Variants in SLC43A2 observed in about 807,000 individuals in gnomAD.
SLC43A2 encodes the protein solute carrier family 43 member 2.
Under a neutral mutation model 63.2 loss-of-function variants are expected in SLC43A2, and 38 were observed. The observed-to-expected ratio is 0.60, with a 90% CI of 0.46 to 0.79. SLC43A2 has a LOEUF of 0.79. Ranked by LOEUF, SLC43A2 falls within the 30% of genes least tolerant of loss-of-function variation. The probability of loss-of-function intolerance (pLI) is 0.00; values close to 1 mark genes in which losing one functional copy is unlikely to be tolerated. For missense variants in SLC43A2, 644 were observed against 756.2 expected (o/e 0.85, Z 1.74); for synonymous variants, 322 against 331.0 (o/e 0.97, Z 0.30).
At chr17:1,591,793 C>G in intron 6 of SLC43A2, 94 bp from the exon 7 acceptor site, 1 of 966,366 alleles carries the variant, frequency 1.0e-6, no homozygotes, top group Non-Finnish European at 1.6e-6. Flanking sequence ...TCTGGCCACC[C>G]CTGCTGTCCC....
At chr17:1,575,851 G>A (rs1436079891) in intron 13 of SLC43A2, 86 bp from the exon 14 acceptor site, 44 of 1,450,840 alleles carry the variant, frequency 3.0e-5, no homozygotes, top group Non-Finnish European at 4.0e-5. Flanking sequence ...TTGGGAAAGG[G>A]GAGAAGGTCA....
At chr17:1,582,733 C>CATAAATA (rs1567612189) in intron 11 of SLC43A2, among the ~76,000 whole-genome samples, 1 of 152,144 alleles carries the variant, frequency 6.6e-6, no homozygotes, top group African/African-American at 2.4e-5. Flanking sequence ...ACAGGCCCTC[C>CATAAATA]GCAAATAACA....
Position 1,627,895 on chromosome 17 carries a change from C to A in SLC43A2, c.-21G>T. The A allele has an allele frequency of 6.5e-7, 1 of 1,532,370 alleles. No individual in the cohort carries two copies. The allele number at this position is 1,532,370 out of a possible 1,614,324, so 94.9% of individuals were successfully genotyped here. A position where few individuals can be genotyped will look rare whatever the true frequency, so the allele number is the denominator to read the frequency against. On this transcript the variant is annotated 5_prime_UTR_variant, in exon 2 of 14. Transcript: ENST00000301335. Reference sequence around the variant, plus strand: ...GCCATGGTGCGGCGCGGCGCGGCTCCGGCTCCGGCTCCGGCTCTGCACCAC... The same window carrying A: ...GCCATGGTGCGGCGCGGCGCGGCTCAGGCTCCGGCTCCGGCTCTGCACCAC...
At chr17:1,585,342 A>T in intron 10 of SLC43A2, 1 of 663,218 alleles carries the variant, frequency 1.5e-6, no homozygotes, top group Non-Finnish European at 2.0e-6. Flanking sequence ...CCCGGGTTCA[A>T]GCAATTCTCG....
Position 1,586,015 on chromosome 17 carries a change from A to G in SLC43A2, c.1115T>C (p.Leu372Pro). The G allele has an allele frequency of 6.2e-7, 1 of 1,610,966 alleles. No homozygotes were observed. The highest frequency in any genetic ancestry group is 8.5e-7 in the Non-Finnish European group (1 of 1,178,952). The stretch of plus-strand genomic sequence containing the variant: ...GACGGGGGCCGTCAGCAGGCACAGC[A>G]GCTGGAGCACGCCGAAGATGGAGGT... ...LYTSIFGVLQ[L>P]LCLLTAPVIG... The change falls in exon 10 of 14, where the codon CTG (leucine) becomes CCG (proline). Residue 372 changes from leucine (L) to proline (P), a missense_variant. By Grantham distance (98) the Leu-to-Pro change is moderately conservative (BLOSUM62 -3). Coordinates refer to ENST00000301335, the MANE Select transcript of SLC43A2 (RefSeq NM_152346.3).
chr17:1,610,568 C>T (rs1474206599), intron 5 of SLC43A2, among the ~76,000 whole-genome samples: 1 of 150,672 alleles, frequency 6.6e-6, no homozygotes, highest in Non-Finnish European at 1.5e-5. Context: ...TGCTCCCAAC[C>T]TGAATTTTTA....
rs1287476284 is a variant in SLC43A2 at position 1,622,513 on chromosome 17, C to T, written c.160+5202G>A. On this transcript the variant is annotated intron_variant, in intron 2 of 13. Transcript: ENST00000301335. ...CCGGGAGGCGGAGGTTGCGGTGAGC[C>T]GAGATCGCGCCACTGCACTCCAGCC... Among the ~76,000 whole-genome samples, 44 of 148,550 alleles carry T rather than the reference C, an allele frequency of 3.0e-4. 1 individual carries two copies. The highest frequency in any genetic ancestry group is 3.8e-3 in the Middle Eastern group (1 of 262).
chr17:1,611,820 T>A (rs977150679), intron 5 of SLC43A2, among the ~76,000 whole-genome samples: 1 of 152,218 alleles, frequency 6.6e-6, no homozygotes, highest in Admixed American at 6.5e-5. Context: ...GTTTCCTTGA[T>A]GGACAGAAGC....
At position 1,594,789 on chromosome 17, in the gene SLC43A2, C is replaced by T. The variant is rs548674229; in HGVS notation, c.502-1510G>A. 6.8e-4 allele frequency among the ~76,000 whole-genome samples: 103 copies of T among 151,340 alleles called. No individual in the cohort carries two copies. In the South Asian group the frequency reaches 6.9e-3, roughly 10 times the overall value. On this transcript the variant is annotated intron_variant, in intron 5 of 13. Coordinates refer to ENST00000301335, the MANE Select transcript of SLC43A2 (RefSeq NM_152346.3). ...ATTTTCAGTAGAGACGGGGTTTCAC[C>T]ACGTTAGCCAGGATGGTCTGGATCT...
rs78446959 is a variant in SLC43A2, at chr17:1,572,403, G to A, written c.*3201C>T. ...CCAGTGTCTTAAGACCCATATATGA[G>A]TGCTGGCTCTGACCTTGAACAAGCT... is the stretch of plus-strand genomic sequence containing the variant. On this transcript the variant is annotated 3_prime_UTR_variant, in exon 14 of 14. Transcript: ENST00000301335. The A allele has an allele frequency of 6.6e-5, 10 of 152,448 alleles. No individual in the cohort carries two copies. The highest frequency in any genetic ancestry group is 2.4e-4 in the African/African-American group (10 of 41,570). 9.4% of individuals were successfully genotyped at this position (152,448 alleles called of 1,614,324 possible).
In SLC43A2 at chr17:1,593,384, G is replaced by A. The variant is rs150883334; in HGVS notation, c.502-105C>T. On this transcript the variant is annotated intron_variant, in intron 5 of 13. Transcript: ENST00000301335. This position sits in a 1 kb window ranked among gnomAD's most constrained non-coding sequence, Gnocchi z 5.3. ...CCCATGAGGCCCCTTCTTCACCTGC[G>A]CCCCTTCCTGTGTGACTCACAGGGG... 7.0e-6 allele frequency: 7 copies of A among 996,784 alleles called. No individual in the cohort carries two copies. The highest frequency in any genetic ancestry group is 6.0e-5 in the Admixed American group (3 of 49,878). 61.7% of individuals were successfully genotyped at this position (996,784 alleles called of 1,614,324 possible).
chr17:1,582,061 T>C (rs548941280), intron 11 of SLC43A2, among the ~76,000 whole-genome samples: 1 of 150,268 alleles, frequency 6.7e-6, no homozygotes, highest in South Asian at 2.1e-4. Flanking sequence ...TGCCTCAGCC[T>C]CCCAAAGTGT....
intron 5 of SLC43A2, among the ~76,000 whole-genome samples, chr17:1,594,863 C>T (rs1204572698): frequency 6.6e-6 from 1 of 151,966 alleles, no homozygotes; most frequent in East Asian, 1.9e-4. Flanking sequence ...GCTGGGATTA[C>T]AGGCGTGAGC....
intron 9 of SLC43A2, among the ~76,000 whole-genome samples, chr17:1,589,832 G>C (rs914036026): frequency 6.6e-6 from 1 of 152,104 alleles, no homozygotes; most frequent in Non-Finnish European, 1.5e-5. Context: ...TCTTGGCCAG[G>C]CTGGTCTTGA....
At chr17:1,585,085 T>C (rs2076081654) in intron 10 of SLC43A2, among the ~76,000 whole-genome samples, 1 of 152,152 alleles carries the variant, frequency 6.6e-6, no homozygotes, top group Non-Finnish European at 1.5e-5. Context: ...CGGTGCCTCA[T>C]ACCTGTTAAT....
At chr17:1,590,313 T>G (rs1468025229) in intron 9 of SLC43A2, among the ~76,000 whole-genome samples, 1 of 150,752 alleles carries the variant, frequency 6.6e-6, no homozygotes, top group African/African-American at 2.4e-5. Flanking sequence ...AGGAAGTCTC[T>G]GCCCTGCCCT....
rs1469540214 is a variant in SLC43A2, at chr17:1,577,518, T to G, written c.1424+732A>C. 6.6e-6 allele frequency among the ~76,000 whole-genome samples: 1 copy of G among 152,096 alleles called. No individual in the cohort carries two copies. The highest frequency in any genetic ancestry group is 1.9e-4 in the East Asian group (1 of 5,192). ...GAGCTGGGATTACCCCAGGGGCTGTTGCGGGAATTGGGAGAGAGTTCCGGG... is the reference window on the plus strand; with the variant it reads ...GAGCTGGGATTACCCCAGGGGCTGTGGCGGGAATTGGGAGAGAGTTCCGGG... On this transcript the variant is annotated intron_variant, in intron 12 of 13. Coordinates refer to ENST00000301335, the MANE Select transcript of SLC43A2 (RefSeq NM_152346.3). The surrounding 1 kb of genome is among the most constrained non-coding windows in gnomAD (Gnocchi z 4.9).
intron 5 of SLC43A2, among the ~76,000 whole-genome samples, chr17:1,602,232 C>T (rs1906120638): frequency 6.6e-6 from 1 of 152,122 alleles, no homozygotes; most frequent in African/African-American, 2.4e-5. Context: ...GTCTTGAACT[C>T]CTGGATTCCA....
chr17:1,577,492 G>T lies in SLC43A2; in HGVS notation c.1424+758C>A, dbSNP rs1283195885. 1.3e-5 allele frequency among the ~76,000 whole-genome samples: 2 copies of T among 152,232 alleles called. No individual in the cohort carries two copies. The highest frequency in any genetic ancestry group is 2.9e-5 in the Non-Finnish European group (2 of 68,026). ...GGGGAGGGGCAGGCGGAGGGCAAGCGGAGCTGGGATTACCCCAGGGGCTGT... is the reference window on the plus strand; with the variant it reads ...GGGGAGGGGCAGGCGGAGGGCAAGCTGAGCTGGGATTACCCCAGGGGCTGT... On this transcript the variant is annotated intron_variant, in intron 12 of 13. Coordinates refer to ENST00000301335, the MANE Select transcript of SLC43A2 (RefSeq NM_152346.3). This position sits in a 1 kb window ranked among gnomAD's most constrained non-coding sequence, Gnocchi z 4.9.
Sources: allele counts gnomAD v4.1 joint callset (sites outside exome capture counted in the v4.1 genomes callset), GRCh38; gene constraint gnomAD v4.1.1; non-coding constraint Gnocchi (gnomAD v3.1); transcripts MANE v1.5; gene names NCBI Gene and HGNC (gene_info 2026-07-23, HGNC 2026-07-21).